CFAP96: variants seen among roughly 807,000 people sequenced by gnomAD.
CFAP96 encodes the protein cilia-and flagella-associated protein 96.
the CFAP96 span, among the ~76,000 whole-genome samples, chr4:185,423,339 T>C: frequency 6.6e-6 from 1 of 152,260 alleles, no homozygotes; most frequent in East Asian, 1.9e-4. Context: ...GAACCTAATA[T>C]AATACCAGGG....
chr4:185,425,924 C>T, the CFAP96 span: 1 of 1,567,080 alleles, frequency 6.4e-7, no homozygotes, highest in Non-Finnish European at 8.6e-7. Context: ...TTCCGGGGGC[C>T]GGCCCTGAAG....
the CFAP96 span, among the ~76,000 whole-genome samples, chr4:185,430,701 A>T: frequency 1.3e-5 from 2 of 151,140 alleles, no homozygotes; most frequent in African/African-American, 4.9e-5. Flanking sequence ...CCAGGAGTTC[A>T]AGACAAGCCT....
chr4:185,449,615 T>C, the CFAP96 span: 6 of 1,544,996 alleles, frequency 3.9e-6, no homozygotes, highest in Non-Finnish European at 5.2e-6. Flanking sequence ...TTCAAAGAAC[T>C]ACAAGACTTC....
At chr4:185,431,098 T>A in the CFAP96 span, among the ~76,000 whole-genome samples, 4 of 151,486 alleles carry the variant, frequency 2.6e-5, no homozygotes, top group African/African-American at 9.7e-5. Flanking sequence ...TAGTCCCAGC[T>A]ACTTGGGAGG....
At chr4:185,420,266 T>G in the CFAP96 span, among the ~76,000 whole-genome samples, 70 of 152,318 alleles carry the variant, frequency 4.6e-4, no homozygotes, top group African/African-American at 1.6e-3. Context: ...TTTAATAGAC[T>G]TTTTAAAAAA....
chr4:185,415,065 A>C, the CFAP96 span: 1 of 1,116,870 alleles, frequency 9.0e-7, no homozygotes, highest in South Asian at 1.6e-5. Context: ...AAATCACAAA[A>C]TACCTTCCAT....
chr4:185,431,968 A>G, the CFAP96 span: 1 of 1,535,496 alleles, frequency 6.5e-7, no homozygotes, highest in Non-Finnish European at 8.8e-7. Context: ...AATATGCCTA[A>G]TTTATCTTTA....
the CFAP96 span, chr4:185,422,399 TCTCA>T: frequency 2.1e-6 from 2 of 959,410 alleles, no homozygotes; most frequent in Non-Finnish European, 3.2e-6. Context: ...CCTATCTCTC[TCTCA>T]GTTTCATTTG....
chr4:185,447,784 A>G, the CFAP96 span, among the ~76,000 whole-genome samples: 1 of 152,178 alleles, frequency 6.6e-6, no homozygotes, highest in Non-Finnish European at 1.5e-5. Flanking sequence ...CCACCCCCCA[A>G]ACTCTAATAC....
At chr4:185,413,901 GA>G in the CFAP96 span, 2 of 1,551,284 alleles carry the variant, frequency 1.3e-6, no homozygotes, top group Non-Finnish European at 1.7e-6. Flanking sequence ...AACAGAAAAA[GA>G]AAAAATGTTG....
At chr4:185,417,992 C>T in the CFAP96 span, among the ~76,000 whole-genome samples, 4 of 149,890 alleles carry the variant, frequency 2.7e-5, no homozygotes, top group Non-Finnish European at 4.4e-5. Flanking sequence ...TGCAGTGAGC[C>T]GAGATCGTGC....
At chr4:185,435,958 TC>T in the CFAP96 span, 8 of 1,054,048 alleles carry the variant, frequency 7.6e-6, no homozygotes, top group African/African-American at 3.3e-5. Flanking sequence ...TCTCTTTTTT[TC>T]AATCTGTTTA....
the CFAP96 span, chr4:185,436,075 T>C: frequency 1.3e-6 from 2 of 1,549,898 alleles, no homozygotes; most frequent in Non-Finnish European, 1.7e-6. Context: ...TATGGAACAA[T>C]AGGTGGTCCA....
At chr4:185,424,070 G>C in the CFAP96 span, among the ~76,000 whole-genome samples, 2 of 151,932 alleles carry the variant, frequency 1.3e-5, no homozygotes, top group African/African-American at 2.4e-5. Context: ...GGAGGCAGAG[G>C]CAGGAGGATC....
At chr4:185,421,086 T>C in the CFAP96 span, among the ~76,000 whole-genome samples, 5 of 151,994 alleles carry the variant, frequency 3.3e-5, no homozygotes, top group African/African-American at 7.3e-5. Flanking sequence ...AGTAAAATGG[T>C]TCTCATCTTA....
At chr4:185,414,978 A>C in the CFAP96 span, among the ~76,000 whole-genome samples, 2 of 152,240 alleles carry the variant, frequency 1.3e-5, no homozygotes, top group African/African-American at 2.4e-5. Context: ...TTTGTCATTA[A>C]TACTACTTAA....
At chr4:185,436,548 A>G in the CFAP96 span, among the ~76,000 whole-genome samples, 3 of 151,868 alleles carry the variant, frequency 2.0e-5, no homozygotes, top group African/African-American at 7.3e-5. Context: ...CATCTCTACT[A>G]ATCTTACAAA....
the CFAP96 span, chr4:185,449,750 A>G: frequency 1.4e-6 from 1 of 690,714 alleles, no homozygotes; most frequent in Non-Finnish European, 2.3e-6. Context: ...TAGCTCAAGC[A>G]GTTAAAAGAA....
chr4:185,418,047 A>AACACAC, the CFAP96 span, among the ~76,000 whole-genome samples: 43 of 143,056 alleles, frequency 3.0e-4, no homozygotes, highest in Middle Eastern at 3.6e-3. Context: ...TCCATCTCAA[A>AACACAC]ACACACACAC....
Sources: allele counts gnomAD v4.1 joint callset (sites outside exome capture counted in the v4.1 genomes callset), GRCh38; gene constraint gnomAD v4.1.1; transcripts MANE v1.5; gene names NCBI Gene and HGNC (gene_info 2026-07-23, HGNC 2026-07-21).